ARHGAP26: variants seen among roughly 807,000 people sequenced by gnomAD.
The protein encoded by ARHGAP26 is rho GTPase-activating protein 26.
Under a neutral mutation model 104.8 loss-of-function variants are expected in ARHGAP26, and 38 were observed. The observed-to-expected ratio is 0.36, with a 90% CI of 0.28 to 0.48. The LOEUF (loss-of-function observed/expected upper bound fraction) is 0.48, where lower values mean the gene tolerates loss of function less well. Ranked by LOEUF, ARHGAP26 falls within the 20% of genes least tolerant of loss-of-function variation. ARHGAP26 has a pLI of 0.99. For synonymous variants in ARHGAP26, 341 were observed against 340.0 expected, an observed-to-expected ratio of 1.00 and a Z score of -0.03; for missense variants, 704 against 947.9, an observed-to-expected ratio of 0.74 and a Z score of 3.38.
At chr5:142,985,681 G>A (rs165964) in intron 11 of ARHGAP26, among the ~76,000 whole-genome samples, 120,890 of 134,906 alleles carry the variant, frequency 0.9, 54,549 homozygotes, top group Non-Finnish European at 0.97. Context: ...AACAGGCCCT[G>A]GTGTGTGATG....
chr5:142,847,139 A>G (rs1772137093), intron 1 of ARHGAP26, among the ~76,000 whole-genome samples: 1 of 152,212 alleles, frequency 6.6e-6, no homozygotes, highest in South Asian at 2.1e-4. Flanking sequence ...AAACGGGGAT[A>G]ACAGTGCCTG....
intron 10 of ARHGAP26, among the ~76,000 whole-genome samples, chr5:142,916,094 T>C (rs1327430549): frequency 1.3e-5 from 2 of 152,196 alleles, no homozygotes; most frequent in Admixed American, 6.5e-5. Flanking sequence ...GATGGTTATA[T>C]TTAATCGCAT....
chr5:143,106,409 G>A (rs2150672353), intron 17 of ARHGAP26, among the ~76,000 whole-genome samples: 1 of 147,718 alleles, frequency 6.8e-6, no homozygotes, highest in African/African-American at 2.5e-5. Context: ...TGTTGACACA[G>A]ACTTCAGAAT....
chr5:143,151,182 A>T (rs574263887), intron 20 of ARHGAP26, among the ~76,000 whole-genome samples: 1 of 152,338 alleles, frequency 6.6e-6, no homozygotes, highest in South Asian at 2.1e-4. Context: ...TTCACGTCTT[A>T]TGTCTTCAGG....
chr5:143,015,684 G>A (rs1158057923), intron 12 of ARHGAP26, among the ~76,000 whole-genome samples: 1 of 152,146 alleles, frequency 6.6e-6, no homozygotes, highest in African/African-American at 2.4e-5. Flanking sequence ...CCCTGCCTGG[G>A]ACACATTGCC....
rs747748836 is a variant in ARHGAP26 at position 142,821,418 on chromosome 5, A to AT, written c.154+50504dup. On this transcript the variant is annotated intron_variant, in intron 1 of 22. Transcript: ENST00000645722. ...TTGGAAATTTTGTGTGTGTATTCCC[A>AT]TACCTGCAAGTGCACTCTTACATTT... Among the ~76,000 whole-genome samples the AT allele has an allele frequency of 8.2e-5, 12 of 146,126 alleles. No homozygotes were observed. The South Asian group carries it at 1.1e-3, about 13-fold the overall frequency.
At chr5:142,870,095 G>C (rs1288254919) in intron 1 of ARHGAP26, among the ~76,000 whole-genome samples, 1 of 152,190 alleles carries the variant, frequency 6.6e-6, no homozygotes, top group East Asian at 1.9e-4. Flanking sequence ...TATTGACTCT[G>C]CTTGGCTCCT....
intron 20 of ARHGAP26, among the ~76,000 whole-genome samples, chr5:143,206,902 G>A (rs1039313693): frequency 3.9e-5 from 6 of 152,254 alleles, no homozygotes; most frequent in South Asian, 2.1e-4. Flanking sequence ...ACTCATGTGC[G>A]TGGGCTCAGG....
intron 20 of ARHGAP26, 57 bp downstream of exon 20, chr5:143,147,438 A>G: frequency 6.4e-7 from 1 of 1,568,758 alleles, no homozygotes; most frequent in Non-Finnish European, 8.7e-7. Flanking sequence ...CATTCCACCT[A>G]GAATTTGCTG....
chr5:142,812,410 C>T (rs919276657), intron 1 of ARHGAP26, among the ~76,000 whole-genome samples: 45 of 151,664 alleles, frequency 3.0e-4, no homozygotes, highest in Non-Finnish European at 4.4e-5. Context: ...AATCTTGGCT[C>T]AGTGCAACCT....
At position 142,815,069 on chromosome 5, in the gene ARHGAP26, C is replaced by T. The variant is rs144393507; in HGVS notation, c.154+44154C>T. ...AGGCTGGAGTGGGGTGGCATGATCT[C>T]GGCTCACTGCAACCTCTGCCTCCCG... On this transcript the variant is annotated intron_variant, in intron 1 of 22. Coordinates refer to ENST00000645722, the MANE Select transcript of ARHGAP26 (RefSeq NM_001135608.3). 4.9e-3 allele frequency among the ~76,000 whole-genome samples: 740 copies of T among 152,246 alleles called. 8 individuals carry two copies. Among genetic ancestry groups the T allele is most frequent in the African/African-American group, 0.016 (667 of 41,538 alleles).
In ARHGAP26 at chr5:143,037,367, C is replaced by T; in HGVS notation, c.1210+106C>T. 4.7e-6 allele frequency: 4 copies of T among 850,262 alleles called. No individual in the cohort carries two copies. The South Asian group carries it at 7.7e-5, about 16-fold the overall frequency. The allele number at this position is 850,262 out of a possible 1,614,324, so 52.7% of individuals were successfully genotyped here. On this transcript the variant is annotated intron_variant, in intron 13 of 22. Coordinates refer to ENST00000645722, the MANE Select transcript of ARHGAP26 (RefSeq NM_001135608.3). ...CCTGACTTTAAGTGACTCATTAGCTCCCCAAGTGCCATTGTCAGTGGATTT... is the reference window on the plus strand; with the variant it reads ...CCTGACTTTAAGTGACTCATTAGCTTCCCAAGTGCCATTGTCAGTGGATTT...
intron 12 of ARHGAP26, 147 bp downstream of exon 12, chr5:143,014,263 C>T: frequency 1.2e-6 from 1 of 822,438 alleles, no homozygotes; most frequent in Non-Finnish European, 2.0e-6. Flanking sequence ...TGCCTCCACC[C>T]CAACTTTCCG....
intron 1 of ARHGAP26, among the ~76,000 whole-genome samples, chr5:142,822,757 C>G (rs1766452749): frequency 6.6e-6 from 1 of 152,162 alleles, no homozygotes; most frequent in African/African-American, 2.4e-5. Context: ...TCTTACTGGT[C>G]TTCATCTGGA....
intron 11 of ARHGAP26, among the ~76,000 whole-genome samples, chr5:142,998,325 A>G (rs935579473): frequency 1.1e-4 from 17 of 152,304 alleles, no homozygotes; most frequent in South Asian, 4.1e-4. Flanking sequence ...CATTTAAAGG[A>G]CACAGGTGGT....
At chr5:142,951,997 C>T (rs1768457645) in intron 11 of ARHGAP26, among the ~76,000 whole-genome samples, 1 of 152,214 alleles carries the variant, frequency 6.6e-6, no homozygotes, top group African/African-American at 2.4e-5. Context: ...TCTGGTTGCT[C>T]CATGCATCCC....
intron 18 of ARHGAP26, among the ~76,000 whole-genome samples, chr5:143,124,414 C>T (rs183297460): frequency 6.6e-6 from 1 of 152,240 alleles, no homozygotes; most frequent in Non-Finnish European, 1.5e-5. Flanking sequence ...TTTTATTACT[C>T]TCAATTCTGT....
At chr5:143,027,532 T>C (rs1390892483) in intron 12 of ARHGAP26, among the ~76,000 whole-genome samples, 2 of 144,346 alleles carry the variant, frequency 1.4e-5, no homozygotes, top group African/African-American at 4.9e-5. Context: ...ATTTGCTTAC[T>C]GGTTTTAAAC....
In ARHGAP26 at chr5:143,207,321, G is replaced by T; in HGVS notation, c.2099+13G>T. 8.7e-6 allele frequency: 14 copies of T among 1,614,102 alleles called. No individual in the cohort carries two copies. The highest frequency in any genetic ancestry group is 1.1e-5 in the Non-Finnish European group (13 of 1,180,022). On this transcript the variant is annotated intron_variant, in intron 21 of 22. Transcript: ENST00000645722. The stretch of plus-strand genomic sequence containing the variant: ...CATCCCCCGTCAGGTCTGTTGCAGG[G>T]TTTGTTTGGTTTTCTGTTGCTGCCG...
Sources: gnomAD v4.1 joint callset for allele counts (sites outside exome capture counted in the v4.1 genomes callset) on GRCh38, gnomAD v4.1.1 for gene constraint, MANE v1.5 for transcripts, NCBI Gene and HGNC (gene_info 2026-07-23, HGNC 2026-07-21) for gene names.